Variants in SEMA3A observed in about 807,000 individuals in gnomAD.
SEMA3A encodes the protein semaphorin 3A.
SEMA3A carries 29 observed loss-of-function variants against 97.9 expected under a neutral mutation model. That is an observed-to-expected ratio of 0.30 (90% CI 0.22 to 0.40). The LOEUF (loss-of-function observed/expected upper bound fraction) is 0.40. SEMA3A is among the 10% of genes least tolerant of loss of function. The probability of loss-of-function intolerance (pLI) is 1.00; values close to 1 mark genes in which losing one functional copy is unlikely to be tolerated. For synonymous variants in SEMA3A, 321 were observed against 323.7 expected (o/e 0.99, Z 0.09); for missense variants, 763 against 951.3 (o/e 0.80, Z 2.60).
At chr7:84,380,095 A>C (rs747970853) in intron 1 of SEMA3A, among the ~76,000 whole-genome samples, 2 of 152,208 alleles carry the variant, frequency 1.3e-5, no homozygotes, top group African/African-American at 4.8e-5. Flanking sequence ...AGAGTTCAGC[A>C]TATGTTCCCA....
intron 2 of SEMA3A, among the ~76,000 whole-genome samples, chr7:84,327,655 C>A (rs1367162568): frequency 2.6e-5 from 4 of 151,786 alleles, no homozygotes; most frequent in Non-Finnish European, 5.9e-5. Context: ...TATATTTTAA[C>A]CATCTTTTTT....
intron 4 of SEMA3A, among the ~76,000 whole-genome samples, chr7:84,095,358 C>CACACACACATATAT (rs1211794166): frequency 8.1e-6 from 1 of 122,904 alleles, no homozygotes; most frequent in African/African-American, 3.5e-5. Context: ...TTTTTATATA[C>CACACACACATATAT]ATATATATAT....
intron 3 of SEMA3A, among the ~76,000 whole-genome samples, chr7:84,228,206 T>C (rs1252252772): frequency 6.6e-6 from 1 of 151,638 alleles, no homozygotes; most frequent in Non-Finnish European, 1.5e-5. Context: ...AATGGGCAAA[T>C]TGGGAACTAT....
At chr7:84,313,372 A>ATGTATATGTGTG (rs1200350995) in intron 2 of SEMA3A, among the ~76,000 whole-genome samples, 2 of 43,242 alleles carry the variant, frequency 4.6e-5, no homozygotes, top group Middle Eastern at 0.015. Context: ...ATATATATAT[A>ATGTATATGTGTG]TATATATATA....
chr7:83,988,478 T>A (rs940342257), intron 12 of SEMA3A, among the ~76,000 whole-genome samples: 2 of 152,046 alleles, frequency 1.3e-5, no homozygotes, highest in African/African-American at 4.8e-5. Context: ...ATCCGCCACC[T>A]CAGCCTCCCA....
rs368689939 is a variant in SEMA3A, at chr7:84,032,633, C to T, written c.667+13691G>A. ...TAATTAGAATTCGTGCAAAACAATT[C>T]TTATCACACATTCTGTTTAATCTGA... On this transcript the variant is annotated intron_variant, in intron 6 of 16. Coordinates refer to ENST00000265362, the MANE Select transcript of SEMA3A (RefSeq NM_006080.3). 1.2e-4 allele frequency among the ~76,000 whole-genome samples: 19 copies of T among 152,138 alleles called. 1 individual carries two copies. In the South Asian group the frequency reaches 2.5e-3, roughly 20 times the overall value.
intron 1 of SEMA3A, among the ~76,000 whole-genome samples, chr7:84,427,686 G>GTTACA (rs57124871): frequency 7.0e-6 from 1 of 142,038 alleles, no homozygotes; most frequent in African/African-American, 2.6e-5. Context: ...TCACTCATAT[G>GTTACA]TAACAATTAA....
intron 5 of SEMA3A, among the ~76,000 whole-genome samples, chr7:84,054,937 C>G (rs1026990166): frequency 2.6e-5 from 4 of 152,028 alleles, no homozygotes; most frequent in Non-Finnish European, 4.4e-5. Flanking sequence ...GGACCCTCAG[C>G]TGCAGGTCTG....
chr7:83,974,642 G>A (rs1335563668), intron 15 of SEMA3A, among the ~76,000 whole-genome samples: 2 of 152,034 alleles, frequency 1.3e-5, no homozygotes, highest in East Asian at 3.8e-4. Flanking sequence ...AAATACTGAC[G>A]TCAACTATTC....
chr7:84,421,045 C>T (rs2116278766), intron 1 of SEMA3A, among the ~76,000 whole-genome samples: 1 of 151,910 alleles, frequency 6.6e-6, no homozygotes, highest in African/African-American at 2.4e-5. Flanking sequence ...AATTTGTTTG[C>T]TCTTGCTTCT....
chr7:84,220,858 A>C (rs1798861896), intron 3 of SEMA3A, among the ~76,000 whole-genome samples: 1 of 152,136 alleles, frequency 6.6e-6, no homozygotes, highest in Non-Finnish European at 1.5e-5. Context: ...GGGTCCTAGG[A>C]TCTTCAGAAT....
chr7:84,014,338 A>T lies in SEMA3A; in HGVS notation c.681T>A (p.Ile227=). Residue 227 remains isoleucine, a synonymous_variant, in exon 7 of 17, where the codon ATT becomes ATA. Coordinates refer to ENST00000265362, the MANE Select transcript of SEMA3A (RefSeq NM_006080.3). ...DSRWLNDPKF[I]SAHLISESDN... ...CACTCTCTGAGATGAGGTGGGCACT[A>T]ATGAACTTTGGATCTGAGAGACAAA... is the stretch of plus-strand genomic sequence containing the variant. 1 of 1,610,176 alleles carries T rather than the reference A, an allele frequency of 6.2e-7. No individual in the cohort carries two copies. The highest frequency in any genetic ancestry group is 8.5e-7 in the Non-Finnish European group (1 of 1,177,414).
At chr7:83,962,736 T>C (rs1335386787) in intron 16 of SEMA3A, among the ~76,000 whole-genome samples, 3 of 152,166 alleles carry the variant, frequency 2.0e-5, no homozygotes, top group Admixed American at 6.5e-5. Context: ...TCAGAGCTTA[T>C]AGTGCAGCCT....
chr7:84,028,795 AT>A (rs979609998), intron 6 of SEMA3A, among the ~76,000 whole-genome samples: 16 of 151,368 alleles, frequency 1.1e-4, no homozygotes, highest in African/African-American at 3.9e-4. Flanking sequence ...TTTTTTTTGT[AT>A]TTTTAGTAGA....
chr7:84,109,414 C>A (rs79914524), intron 4 of SEMA3A, among the ~76,000 whole-genome samples: 2 of 152,166 alleles, frequency 1.3e-5, no homozygotes, highest in Non-Finnish European at 2.9e-5. Flanking sequence ...GGGAATGTGT[C>A]TTCCCTGGTT....
At chr7:83,997,413 AAAATT>A (rs1790265457) in intron 12 of SEMA3A, among the ~76,000 whole-genome samples, 1 of 152,126 alleles carries the variant, frequency 6.6e-6, no homozygotes, top group South Asian at 2.1e-4. Flanking sequence ...TTCCCACTGT[AAAATT>A]AAACAAAGTT....
chr7:84,412,164 G>A (rs1804287669), intron 1 of SEMA3A, among the ~76,000 whole-genome samples: 1 of 152,100 alleles, frequency 6.6e-6, no homozygotes, highest in Admixed American at 6.6e-5. Flanking sequence ...ATGAAAGGTT[G>A]GCAGGGAGGC....
At position 84,368,671 on chromosome 7, in the gene SEMA3A, AATT is replaced by A. The variant is rs538458578; in HGVS notation, c.-169+3150_-169+3152del. 1.1e-3 allele frequency among the ~76,000 whole-genome samples: 168 copies of A among 151,036 alleles called. 1 individual carries two copies. The highest frequency in any genetic ancestry group is 3.7e-3 in the African/African-American group (154 of 41,442). Reference sequence around the variant, plus strand: ...ACCTAAATGACTAATAGTTTCTAACAATTATTATTATAATTAACATATAAAATG... The same window carrying A: ...ACCTAAATGACTAATAGTTTCTAACAATTATTATAATTAACATATAAAATG... On this transcript the variant is annotated intron_variant, in intron 2 of 3. Coordinates refer to the SEMA3A transcript ENST00000424555.
At chr7:84,429,548 A>ATATATATATATATATATATATATG (rs1365007284) in intron 1 of SEMA3A, among the ~76,000 whole-genome samples, 1 of 115,770 alleles carries the variant, frequency 8.6e-6, no homozygotes, top group African/African-American at 3.2e-5. Context: ...ATATATATAT[A>ATATATATATATATATATATATATG]GCGAGAGAGA....
Sources: allele counts gnomAD v4.1 joint callset (sites outside exome capture counted in the v4.1 genomes callset), GRCh38; gene constraint gnomAD v4.1.1; transcripts MANE v1.5; gene names NCBI Gene and HGNC (gene_info 2026-07-23, HGNC 2026-07-21).